ARPC1B: variants seen among roughly 807,000 people sequenced by gnomAD.
The protein encoded by ARPC1B is actin-related protein 2/3 complex subunit 1B.
ARPC1B carries 29 observed loss-of-function variants against 46.0 expected under a neutral mutation model. The ratio of observed to expected loss-of-function variants is 0.63; its 90% CI spans 0.47 to 0.86. The LOEUF (loss-of-function observed/expected upper bound fraction) is 0.86, where lower values mean the gene tolerates loss of function less well. Ranked by LOEUF, ARPC1B falls within the 40% of genes least tolerant of loss-of-function variation. The pLI, the probability that ARPC1B is intolerant of heterozygous loss-of-function variation, is 0.00. For synonymous variants in ARPC1B, 201 were observed against 213.9 expected, an observed-to-expected ratio of 0.94 and a Z score of 0.53; for missense variants, 469 against 529.4, an observed-to-expected ratio of 0.89 and a Z score of 1.12.
chr7:99,391,066 C>T lies in ARPC1B; in HGVS notation c.674C>T (p.Thr225Ile), dbSNP rs1794555171. The T allele has an allele frequency of 1.9e-6, 3 of 1,613,878 alleles. No homozygotes were observed. Among genetic ancestry groups the T allele is most frequent in the African/African-American group, 1.3e-5 (1 of 75,066 alleles). ...SRVAWVSHDS[T>I]VCLADADKKM... The stretch of plus-strand genomic sequence containing the variant: ...GTGGCCTGGGTAAGCCACGACAGCA[C>T]CGTCTGCCTGGCTGATGCCGACAAG... Residue 225 changes from threonine to isoleucine, a missense_variant, in exon 6 of 10, where the codon ACC becomes ATC. Thr to Ile is a moderately conservative substitution (Grantham distance 89, BLOSUM62 -1). Coordinates refer to ENST00000646101, the MANE Select transcript of ARPC1B (RefSeq NM_005720.4).
chr7:99,394,543 G>T lies in ARPC1B; in HGVS notation c.*54G>T, dbSNP rs1794703238. The T allele has an allele frequency of 6.2e-7, 1 of 1,613,512 alleles. No individual in the cohort carries two copies. Among genetic ancestry groups the T allele is most frequent in the Non-Finnish European group, 8.5e-7 (1 of 1,179,834 alleles). ...AGCTGCTGGGGAAGCGGGGAGAGGG[G>T]TCAGGGAGGCTAATGGTTGCTTTGC... On this transcript the variant is annotated 3_prime_UTR_variant, in exon 10 of 10. Transcript: ENST00000646101.
At chr7:99,376,552 G>C (rs528083447) in intron 1 of ARPC1B, 1 of 152,118 alleles carries the variant, frequency 6.6e-6, no homozygotes, top group Admixed American at 6.6e-5. Context: ...CTGAGCCTGG[G>C]TTTCCTCCTG....
chr7:99,388,563 T>C, intron 4 of ARPC1B: 1 of 362,264 alleles, frequency 2.8e-6, no homozygotes, highest in Non-Finnish European at 5.2e-6. Context: ...CTGTCCCCAC[T>C]TTACAGATTA....
Position 99,388,043 on chromosome 7 carries a change from C to T in ARPC1B, c.174C>T (p.Ile58=), listed in dbSNP as rs150645809. 9.1e-5 allele frequency: 146 copies of T among 1,600,790 alleles called. No individual in the cohort carries two copies. Among genetic ancestry groups the T allele is most frequent in the South Asian group, 3.3e-5 (3 of 90,706 alleles). The part of the protein sequence containing the change: ...LKEHNGQVTG[I]DWAPESNRIV... ...GTTCCCTCCATCCCCCCACAGGCAT[C>T]GACTGGGCCCCCGAGAGTAACCGTA... The change falls in exon 4 of 10, where the codon ATC becomes ATT. Residue 58 remains isoleucine (I), a synonymous_variant. Transcript: ENST00000646101.
chr7:99,388,932 A>ATT lies in ARPC1B; in HGVS notation c.392+692_392+693dup, dbSNP rs34650108. On this transcript the variant is annotated intron_variant, in intron 4 of 9. Coordinates refer to ENST00000646101, the MANE Select transcript of ARPC1B (RefSeq NM_005720.4). ...AGGCGTGAGCCACCGTGCCCAGCCA[A>ATT]TTTTTTTTTTTTTTTTTTTTTTGAG... The ATT allele has an allele frequency of 8.3e-3, 883 of 106,974 alleles. 33 individuals are homozygous for ATT. Among genetic ancestry groups the ATT allele is most frequent in the African/African-American group, 0.032 (777 of 24,662 alleles). The allele number at this position is 106,974 out of a possible 1,614,324, so 6.6% of individuals were successfully genotyped here.
chr7:99,387,957 T>C lies in ARPC1B; in HGVS notation c.170-82T>C, dbSNP rs73710454. On this transcript the variant is annotated intron_variant, in intron 3 of 9. Transcript: ENST00000646101. The stretch of plus-strand genomic sequence containing the variant: ...CAGCTTCCACCTGGATGGTGGCCTT[T>C]CAGCCTCTCCCATGTGGCCACCATA... 5,722 of 921,918 alleles carry C rather than the reference T, an allele frequency of 6.2e-3. 158 individuals are homozygous for C. The African/African-American group carries it at 0.074, about 12-fold the overall frequency. The allele number at this position is 921,918 out of a possible 1,614,324, so 57.1% of individuals were successfully genotyped here.
At chr7:99,387,595 G>T (rs1794433330) in intron 3 of ARPC1B, among the ~76,000 whole-genome samples, 1 of 152,108 alleles carries the variant, frequency 6.6e-6, no homozygotes, top group African/African-American at 2.4e-5. Flanking sequence ...AAATTAGCCA[G>T]GCATGATGGC....
In ARPC1B at chr7:99,394,798, A is replaced by T. The variant is rs902480425; in HGVS notation, c.*309A>T. ...ACTGTGTAAAAAAAAAAAAAAAAAA[A>T]AAAGTAATTATGGACATGCTTGCCT... On this transcript the variant is annotated 3_prime_UTR_variant, in exon 10 of 10. Coordinates refer to ENST00000646101, the MANE Select transcript of ARPC1B (RefSeq NM_005720.4). 39 of 1,233,702 alleles carry T rather than the reference A, an allele frequency of 3.2e-5. 1 individual carries two copies. The African/African-American group carries it at 3.4e-4, about 11-fold the overall frequency. 76.4% of individuals were successfully genotyped at this position (1,233,702 alleles called of 1,614,324 possible). A position where few individuals can be genotyped will look rare whatever the true frequency, so the allele number is the denominator to read the frequency against.
intron 1 of ARPC1B, among the ~76,000 whole-genome samples, chr7:99,385,182 C>A (rs1265562459): frequency 3.3e-5 from 5 of 151,510 alleles, no homozygotes; most frequent in Non-Finnish European, 7.4e-5. Context: ...TCTTGAACTC[C>A]TGGCCGCAAG....
rs1365945421 is a variant in ARPC1B at position 99,377,142 on chromosome 7, G to A, written c.-14+2361G>A. On this transcript the variant is annotated intron_variant, in intron 1 of 9. Transcript: ENST00000646101. ...TCCTCCTGAGTAGCTGGGATTACAG[G>A]TATGTTCCTCCATGCCCAGCTAATT... Among the ~76,000 whole-genome samples the A allele has an allele frequency of 2.6e-5, 4 of 152,100 alleles. No homozygotes were observed. The South Asian group carries it at 6.2e-4, about 24-fold the overall frequency.
At chr7:99,390,170 C>G in intron 5 of ARPC1B, 158 bp downstream of exon 5, 1 of 640,552 alleles carries the variant, frequency 1.6e-6, no homozygotes, top group Non-Finnish European at 2.7e-6. Context: ...GGTTCTAGTT[C>G]CTGGGGAACC....
chr7:99,394,230 G>C (rs980347787), intron 9 of ARPC1B, 111 bp downstream of exon 9: 1 of 1,281,470 alleles, frequency 7.8e-7, no homozygotes, highest in Non-Finnish European at 1.1e-6. Context: ...AGATGGCACT[G>C]CATGGGGATG....
intron 4 of ARPC1B, chr7:99,389,666 A>AG: frequency 2.0e-6 from 1 of 493,688 alleles, no homozygotes; most frequent in East Asian, 3.7e-5. Flanking sequence ...GCCTGCTCTG[A>AG]GGGTGACTGT....
chr7:99,377,921 C>T (rs1000987017), intron 1 of ARPC1B, among the ~76,000 whole-genome samples: 3 of 151,928 alleles, frequency 2.0e-5, no homozygotes, highest in Non-Finnish European at 4.4e-5. Context: ...TGTGAGCCAC[C>T]GCACCCGTCG....
intron 7 of ARPC1B, among the ~76,000 whole-genome samples, chr7:99,391,709 G>C (rs544839250): frequency 6.8e-6 from 1 of 146,812 alleles, no homozygotes; most frequent in South Asian, 2.2e-4. Flanking sequence ...CTGAGCTATG[G>C]TCGTACCTCT....
At chr7:99,387,983 CA>C (rs1794447001) in intron 3 of ARPC1B, 55 bp from the exon 4 acceptor site, 7 of 1,227,860 alleles carry the variant, frequency 5.7e-6, no homozygotes, top group Non-Finnish European at 2.4e-6. Context: ...GGCCACCATA[CA>C]GCCACCTCTG....
rs957414017 is a variant in ARPC1B, at chr7:99,382,923, C to T, written c.-13-2779C>T. 6.3e-5 allele frequency among the ~76,000 whole-genome samples: 9 copies of T among 142,962 alleles called. 1 individual carries two copies. The highest frequency in any genetic ancestry group is 3.0e-5 in the Non-Finnish European group (2 of 67,154). The allele number at this position is 142,962 out of a possible 152,430, so 93.8% of individuals were successfully genotyped here. The stretch of plus-strand genomic sequence containing the variant: ...GCAGTGGTGTGATTTTGGCTCACTG[C>T]GACCTCTGCCTCTCAGGTTCAACAG... On this transcript the variant is annotated intron_variant, in intron 1 of 9. Coordinates refer to ENST00000646101, the MANE Select transcript of ARPC1B (RefSeq NM_005720.4).
intron 3 of ARPC1B, 107 bp from the exon 4 acceptor site, chr7:99,387,932 C>T (rs965414286): frequency 6.8e-6 from 5 of 733,714 alleles, no homozygotes; most frequent in Admixed American, 4.7e-5. Flanking sequence ...TGGGCAGATA[C>T]AGCTTCCACC....
intron 1 of ARPC1B, chr7:99,376,329 G>T (rs1794030137): frequency 6.6e-6 from 1 of 152,222 alleles, no homozygotes; most frequent in Admixed American, 6.5e-5. Flanking sequence ...TGGAAAATGG[G>T]AACCTTAAAG....
Sources: gnomAD v4.1 joint callset for allele counts (sites outside exome capture counted in the v4.1 genomes callset) on GRCh38, gnomAD v4.1.1 for gene constraint, MANE v1.5 for transcripts, NCBI Gene and HGNC (gene_info 2026-07-23, HGNC 2026-07-21) for gene names.